ST6GALNAC3: variants seen among roughly 807,000 people sequenced by gnomAD.
ST6GALNAC3 encodes alpha-N-acetylgalactosaminide alpha-2,6-sialyltransferase 3.
A neutral mutation model predicts 32.7 loss-of-function variants in ST6GALNAC3; 25 were observed. That is an observed-to-expected ratio of 0.76 (90% CI 0.56 to 1.07). ST6GALNAC3 has a LOEUF of 1.07. Ranked by LOEUF, ST6GALNAC3 falls within the 50% of genes least tolerant of loss-of-function variation. ST6GALNAC3 has a pLI of 0.00. For missense variants in ST6GALNAC3, 355 were observed against 382.4 expected (o/e 0.93, Z 0.60); for synonymous variants, 129 against 133.1 (o/e 0.97, Z 0.21).
At chr1:76,117,972 GTTCTT>G (rs1223444172) in intron 1 of ST6GALNAC3, among the ~76,000 whole-genome samples, 2 of 152,154 alleles carry the variant, frequency 1.3e-5, no homozygotes, top group African/African-American at 4.8e-5. Context: ...GACACAGTAA[GTTCTT>G]TTTTTTATTA....
chr1:76,357,130 C>CTTTTTTTTTTTTTTTTTTTT lies in ST6GALNAC3; in HGVS notation c.213+43146_213+43147insTTTTTTTTTTTTTTTTTTTT, dbSNP rs55786044. Reference sequence around the variant, plus strand: ...TAGTTTTCTTTTTTCTTTTCTTTTTCTTTTTTTTTTTTTTTCATTTTTGAG... The same window carrying CTTTTTTTTTTTTTTTTTTTT: ...TAGTTTTCTTTTTTCTTTTCTTTTTCTTTTTTTTTTTTTTTTTTTTTTTTTTTTTTTTTTTCATTTTTGAG... On this transcript the variant is annotated intron_variant, in intron 2 of 4. Transcript: ENST00000328299. Among the ~76,000 whole-genome samples the CTTTTTTTTTTTTTTTTTTTT allele has an allele frequency of 1.6e-4, 18 of 111,188 alleles. 1 individual carries two copies. Among genetic ancestry groups the CTTTTTTTTTTTTTTTTTTTT allele is most frequent in the South Asian group, 3.3e-4 (1 of 3,058 alleles). The allele number at this position is 111,188 out of a possible 152,430, so 72.9% of individuals were successfully genotyped here. A position where few individuals can be genotyped will look rare whatever the true frequency, so the allele number is the denominator to read the frequency against.
At chr1:76,485,492 T>G (rs1157454791) in intron 3 of ST6GALNAC3, among the ~76,000 whole-genome samples, 4 of 152,222 alleles carry the variant, frequency 2.6e-5, no homozygotes, top group Non-Finnish European at 5.9e-5. Flanking sequence ...TCTTCTAGAT[T>G]TTCTAGTTTA....
intron 2 of ST6GALNAC3, among the ~76,000 whole-genome samples, chr1:76,315,283 A>G (rs911776245): frequency 1.4e-4 from 21 of 152,134 alleles, no homozygotes; most frequent in African/African-American, 4.8e-4. Flanking sequence ...ATTTCTGGCT[A>G]TCATTTAATA....
intron 2 of ST6GALNAC3, among the ~76,000 whole-genome samples, chr1:76,351,742 G>A (rs979609352): frequency 1.3e-5 from 2 of 152,080 alleles, no homozygotes; most frequent in African/African-American, 4.8e-5. Context: ...CTATCCCAAC[G>A]TAATTATTAG....
At chr1:76,619,997 T>G (rs1648534731) in intron 3 of ST6GALNAC3, among the ~76,000 whole-genome samples, 1 of 152,134 alleles carries the variant, frequency 6.6e-6, no homozygotes, top group African/African-American at 2.4e-5. Flanking sequence ...CCATAGCACA[T>G]GCAGGGGAAT....
intron 2 of ST6GALNAC3, among the ~76,000 whole-genome samples, chr1:76,374,628 C>A (rs1651078516): frequency 6.6e-6 from 1 of 152,034 alleles, no homozygotes; most frequent in African/African-American, 2.4e-5. Flanking sequence ...AATTTACTAC[C>A]AAATATGTAT....
intron 3 of ST6GALNAC3, among the ~76,000 whole-genome samples, chr1:76,486,499 C>T (rs1476120163): frequency 2.6e-5 from 4 of 151,958 alleles, no homozygotes; most frequent in East Asian, 3.9e-4. Context: ...TGTCTCTTTT[C>T]GTCTTTGTTG....
intron 1 of ST6GALNAC3, among the ~76,000 whole-genome samples, chr1:76,114,398 G>A (rs1648311970): frequency 6.6e-6 from 1 of 152,108 alleles, no homozygotes; most frequent in Non-Finnish European, 1.5e-5. Flanking sequence ...AGAACAGGGA[G>A]CACCTGTCCT....
chr1:76,171,337 T>C (rs1376201829), intron 1 of ST6GALNAC3, among the ~76,000 whole-genome samples: 2 of 151,960 alleles, frequency 1.3e-5, no homozygotes, highest in Non-Finnish European at 2.9e-5. Context: ...TAAAAAATCA[T>C]AGAAAAACAC....
chr1:76,464,751 C>T (rs1658512687), intron 3 of ST6GALNAC3, among the ~76,000 whole-genome samples: 1 of 152,152 alleles, frequency 6.6e-6, no homozygotes, highest in African/African-American at 2.4e-5. Context: ...ATTACAATTA[C>T]CCTACGAGGT....
intron 1 of ST6GALNAC3, among the ~76,000 whole-genome samples, chr1:76,313,198 C>T (rs942300774): frequency 1.3e-5 from 2 of 152,060 alleles, no homozygotes; most frequent in Non-Finnish European, 2.9e-5. Flanking sequence ...TCCATTCATT[C>T]ATTTATTTAT....
chr1:76,477,226 GC>G (rs1264300665), intron 3 of ST6GALNAC3, among the ~76,000 whole-genome samples: 5 of 14,118 alleles, frequency 3.5e-4, no homozygotes, highest in East Asian at 2.1e-3. Context: ...TTTTCATCCA[GC>G]ATTTTTTTTT....
At chr1:76,388,739 A>T (rs745473872) in intron 2 of ST6GALNAC3, among the ~76,000 whole-genome samples, 2 of 152,148 alleles carry the variant, frequency 1.3e-5, no homozygotes, top group African/African-American at 4.8e-5. Context: ...TTTATCTTAC[A>T]TTCTGAATGT....
At chr1:76,363,475 T>C (rs1650126578) in intron 2 of ST6GALNAC3, among the ~76,000 whole-genome samples, 1 of 152,192 alleles carries the variant, frequency 6.6e-6, no homozygotes, top group African/African-American at 2.4e-5. Flanking sequence ...TATCGGAAGT[T>C]CCAAACATTC....
chr1:76,234,209 T>C (rs899521661), intron 1 of ST6GALNAC3, among the ~76,000 whole-genome samples: 5 of 152,184 alleles, frequency 3.3e-5, no homozygotes, highest in African/African-American at 9.6e-5. Flanking sequence ...TGTGCTTTAC[T>C]GCTTCCCATC....
chr1:76,115,715 T>G (rs562547531), intron 1 of ST6GALNAC3, among the ~76,000 whole-genome samples: 1 of 152,334 alleles, frequency 6.6e-6, no homozygotes, highest in South Asian at 2.1e-4. Flanking sequence ...GCATCCCTTA[T>G]GCCTTCAGGG....
At position 76,566,012 on chromosome 1, in the gene ST6GALNAC3, G is replaced by A. The variant is rs150367488; in HGVS notation, c.624-61440G>A. Among the ~76,000 whole-genome samples the A allele has an allele frequency of 4.1e-4, 62 of 152,262 alleles. No homozygotes were observed. In the East Asian group the frequency reaches 4.4e-3, roughly 11 times the overall value. Reference sequence around the variant, plus strand: ...TGATATTTTGATATCACTTAGAACCGAGTCGGTAAACTACATATTTATCTT... The same window carrying A: ...TGATATTTTGATATCACTTAGAACCAAGTCGGTAAACTACATATTTATCTT... On this transcript the variant is annotated intron_variant, in intron 3 of 4. Coordinates refer to ENST00000328299, the MANE Select transcript of ST6GALNAC3 (RefSeq NM_152996.4).
chr1:76,222,022 G>T (rs962913712), intron 1 of ST6GALNAC3, among the ~76,000 whole-genome samples: 1 of 152,098 alleles, frequency 6.6e-6, no homozygotes, highest in Non-Finnish European at 1.5e-5. Flanking sequence ...TCATCCTCTT[G>T]AACAAGAGGA....
At chr1:76,348,716 TACA>T (rs1246351736) in intron 2 of ST6GALNAC3, among the ~76,000 whole-genome samples, 2 of 152,214 alleles carry the variant, frequency 1.3e-5, no homozygotes, top group Non-Finnish European at 2.9e-5. Flanking sequence ...AAGCTTTTCA[TACA>T]ACATTTATTC....
Sources: gnomAD v4.1 joint callset for allele counts (sites outside exome capture counted in the v4.1 genomes callset) on GRCh38, gnomAD v4.1.1 for gene constraint, MANE v1.5 for transcripts, NCBI Gene and HGNC (gene_info 2026-07-23, HGNC 2026-07-21) for gene names.